Variants in HIF3A observed in about 807,000 individuals in gnomAD.
HIF3A encodes hypoxia-inducible factor 3-alpha.
A neutral mutation model predicts 67.2 loss-of-function variants in HIF3A; 41 were observed. That is an observed-to-expected ratio of 0.61 (90% CI 0.48 to 0.79). The LOEUF (loss-of-function observed/expected upper bound fraction) is 0.79, where lower values mean the gene tolerates loss of function less well. Among genes scored for constraint, HIF3A ranks in the 30% least tolerant of loss-of-function variants. The probability of loss-of-function intolerance (pLI) is 0.00; values close to 1 mark genes in which losing one functional copy is unlikely to be tolerated. For missense variants in HIF3A, 855 were observed against 898.0 expected (o/e 0.95, Z 0.61); for synonymous variants, 356 against 374.8 (o/e 0.95, Z 0.58).
At chr19:46,313,361 C>G in intron 8 of HIF3A, 1 of 972,890 alleles carries the variant, frequency 1.0e-6, no homozygotes, top group Non-Finnish European at 1.2e-6. Flanking sequence ...GTGGCTCACA[C>G]CTGTAAATCC....
At chr19:46,312,737 GCGTA>G in intron 8 of HIF3A, 84 bp downstream of exon 8, 1 of 1,496,624 alleles carries the variant, frequency 6.7e-7, no homozygotes, top group African/African-American at 1.5e-5. Context: ...GTGTGTGTGT[GCGTA>G]TGAGCATGCA....
At chr19:46,318,323 T>C (rs1156248928) in intron 8 of HIF3A, among the ~76,000 whole-genome samples, 1 of 151,462 alleles carries the variant, frequency 6.6e-6, no homozygotes, top group Non-Finnish European at 1.5e-5. Context: ...ATCCCAACGC[T>C]TTGGGAGGCC....
Position 46,340,876 on chromosome 19 carries a change from C to T in HIF3A, c.*1254C>T, listed in dbSNP as rs1338236702. ...TCTTTCTAGTTCTGGGCCTCACCAG[C>T]CTCTCATTCTGCCTGTTTTCAAACC... On this transcript the variant is annotated 3_prime_UTR_variant, in exon 15 of 15. Transcript: ENST00000377670. The T allele has an allele frequency of 6.6e-6, 1 of 152,286 alleles. No individual in the cohort carries two copies. The highest frequency in any genetic ancestry group is 2.4e-5 in the African/African-American group (1 of 41,458). 9.4% of individuals were successfully genotyped at this position (152,286 alleles called of 1,614,324 possible).
At chr19:46,304,615 C>T (rs1968664907) in intron 2 of HIF3A, among the ~76,000 whole-genome samples, 1 of 152,084 alleles carries the variant, frequency 6.6e-6, no homozygotes, top group African/African-American at 2.4e-5. Context: ...CGGGCTTTGC[C>T]ACGCACGTGC....
rs528021047 is a variant in HIF3A, at chr19:46,341,831, A to G, written c.*2209A>G. The G allele has an allele frequency of 1.1e-3, 165 of 151,656 alleles. No individual in the cohort carries two copies. The highest frequency in any genetic ancestry group is 3.8e-3 in the African/African-American group (158 of 41,348). The allele number at this position is 151,656 out of a possible 1,614,324, so 9.4% of individuals were successfully genotyped here. A position where few individuals can be genotyped will look rare whatever the true frequency, so the allele number is the denominator to read the frequency against. ...TACCTTTGTGTATTTTTTAGTAGAGACGGGGTTTTGCCAAGTTGGAGGGGC... is the reference window on the plus strand; with the variant it reads ...TACCTTTGTGTATTTTTTAGTAGAGGCGGGGTTTTGCCAAGTTGGAGGGGC... On this transcript the variant is annotated 3_prime_UTR_variant, in exon 15 of 15. Coordinates refer to ENST00000377670, the MANE Select transcript of HIF3A (RefSeq NM_152795.4).
chr19:46,324,917 C>CATATATATATACACATATATATATACAT (rs1555785385), intron 10 of HIF3A, among the ~76,000 whole-genome samples: 99 of 143,396 alleles, frequency 6.9e-4, no homozygotes, highest in African/African-American at 1.3e-3. Context: ...TACACACACA[C>CATATATATATACACATATATATATACAT]ATATATATAT....
At chr19:46,336,085 CTTTTTTTT>C (rs1017798750) in intron 14 of HIF3A, among the ~76,000 whole-genome samples, 72 of 79,396 alleles carry the variant, frequency 9.1e-4, no homozygotes, top group African/African-American at 2.6e-3. Flanking sequence ...CTCTCTCTCT[CTTTTTTTT>C]TTTTTTTTTT....
At chr19:46,339,221 T>C (rs997024543) in intron 14 of HIF3A, among the ~76,000 whole-genome samples, 1 of 152,006 alleles carries the variant, frequency 6.6e-6, no homozygotes, top group East Asian at 1.9e-4. Flanking sequence ...AAAAATCAAA[T>C]GTTTAGCCAA....
intron 14 of HIF3A, 47 bp downstream of exon 14, chr19:46,335,033 C>G (rs181272186): frequency 1.9e-5 from 28 of 1,478,670 alleles, no homozygotes; most frequent in Non-Finnish European, 2.5e-5. Context: ...CCTTCTCCCC[C>G]GGGAGGTGCG....
At position 46,303,953 on chromosome 19, in the gene HIF3A, A is replaced by C. The variant is rs762458259; in HGVS notation, c.82A>C (p.Ser28Arg). 2 of 1,606,812 alleles carry C rather than the reference A, an allele frequency of 1.2e-6. No individual in the cohort carries two copies. The highest frequency in any genetic ancestry group is 2.2e-5 in the South Asian group (2 of 89,584). Residue 28 changes from serine to arginine, a missense_variant, in exon 2 of 15, where the codon AGC (serine) becomes CGC (arginine). This residue lies in a region of HIF3A where 638 missense variants were observed against 660.5 expected (regional missense o/e 0.97). Transcript: ENST00000377670. Reference protein sequence around the residue: ...KSRDAARSRRSQETEVLYQLA... With the variant: ...KSRDAARSRRRQETEVLYQLA... ...CCGGGATGCGGCCCGCAGCCGGCGC[A>C]GCCAGGAGACCGAGGTGCTGTACCA...
chr19:46,316,573 T>C (rs1179592671), intron 8 of HIF3A, among the ~76,000 whole-genome samples: 36 of 151,900 alleles, frequency 2.4e-4, no homozygotes. Context: ...GAGGCTGAGG[T>C]GGGCAGATGA....
chr19:46,305,514 C>A (rs1968765880), intron 3 of HIF3A, 124 bp downstream of exon 3: 2 of 965,006 alleles, frequency 2.1e-6, no homozygotes, highest in South Asian at 3.2e-5. Flanking sequence ...ATAGGTATGT[C>A]ACTAGACAGG....
At chr19:46,324,979 C>CAT (rs1162302915) in intron 10 of HIF3A, among the ~76,000 whole-genome samples, 1 of 113,204 alleles carries the variant, frequency 8.8e-6, no homozygotes, top group Non-Finnish European at 1.7e-5. Flanking sequence ...CACACACACA[C>CAT]ATATATTGTG....
chr19:46,313,660 C>A (rs890838584), intron 8 of HIF3A, among the ~76,000 whole-genome samples: 2 of 127,786 alleles, frequency 1.6e-5, no homozygotes, highest in Non-Finnish European at 3.2e-5. Flanking sequence ...ACACAATTAC[C>A]ACGATTTTTT....
At chr19:46,312,464 GC>G in intron 7 of HIF3A, 41 bp from the exon 8 acceptor site, 2 of 1,606,188 alleles carry the variant, frequency 1.2e-6, no homozygotes, top group South Asian at 1.1e-5. Flanking sequence ...CTCCCCATTT[GC>G]CCCCTTGGTG....
intron 13 of HIF3A, among the ~76,000 whole-genome samples, chr19:46,332,725 T>C (rs934285233): frequency 6.6e-6 from 1 of 152,168 alleles, no homozygotes; most frequent in Non-Finnish European, 1.5e-5. Context: ...GCCTCACGCC[T>C]GTAATCCCAG....
chr19:46,327,605 G>T (rs772713583), intron 11 of HIF3A, among the ~76,000 whole-genome samples: 9 of 152,104 alleles, frequency 5.9e-5, no homozygotes, highest in Non-Finnish European at 5.9e-5. Context: ...TTAATGGCAT[G>T]GTTCTCCAGA....
At chr19:46,329,155 G>C in intron 11 of HIF3A, 52 bp from the exon 12 acceptor site, 1 of 1,516,062 alleles carries the variant, frequency 6.6e-7, no homozygotes, top group Non-Finnish European at 8.9e-7. Flanking sequence ...CTTCAGCCAA[G>C]GTCCACCCAA....
chr19:46,329,297 G>A lies in HIF3A; in HGVS notation c.1531G>A (p.Ala511Thr), dbSNP rs140059399. The stretch of plus-strand genomic sequence containing the variant: ...CAACGCCAGCGAGCAGCTACCCAGG[G>A]CCTACCACAGACCTCTGGGGGCTGT... ...QLNASEQLPR[A>T]YHRPLGAVPR... The change falls in exon 12 of 15, where the codon GCC (alanine) becomes ACC (threonine). Residue 511 changes from alanine (A) to threonine (T), a missense_variant. By Grantham distance (58) the Ala-to-Thr change is moderately conservative. Around this residue, in one of 3 missense-constraint regions of HIF3A, gnomAD observed 18 missense variants for 43.7 expected, o/e 0.41. Transcript: ENST00000377670. The A allele has an allele frequency of 1.4e-3, 2,310 of 1,613,264 alleles. 4 individuals carry two copies. The highest frequency in any genetic ancestry group is 1.8e-3 in the Non-Finnish European group (2,179 of 1,180,000).
Sources: gnomAD v4.1 joint callset for allele counts (sites outside exome capture counted in the v4.1 genomes callset) on GRCh38, gnomAD v4.1.1 for gene constraint, gnomAD v4.1.1 regional missense constraint, MANE v1.5 for transcripts, NCBI Gene and HGNC (gene_info 2026-07-23, HGNC 2026-07-21) for gene names.